The following ARSB variants were observed in gnomAD, a reference collection of about 807,000 sequenced individuals.
The protein encoded by ARSB is arylsulfatase B.
In ARSB, 41 loss-of-function variants were observed where a neutral mutation model predicts 50.9. That is an observed-to-expected ratio of 0.81 (90% CI 0.63 to 1.04). The LOEUF is 1.04. ARSB is among the 50% of genes least tolerant of loss of function. The pLI is 0.00. For missense variants in ARSB, 672 were observed against 693.3 expected (o/e 0.97, Z 0.35); for synonymous variants, 269 against 284.8 (o/e 0.94, Z 0.56).
At chr5:78,810,876 C>T (rs1022296458) in intron 6 of ARSB, among the ~76,000 whole-genome samples, 50 of 152,164 alleles carry the variant, frequency 3.3e-4, no homozygotes, top group African/African-American at 1.2e-3. Flanking sequence ...GAATCTTTGA[C>T]ATAGTGTTGT....
intron 6 of ARSB, among the ~76,000 whole-genome samples, chr5:78,814,294 C>A (rs13152961): frequency 0.13 from 19,880 of 150,850 alleles, 2,349 homozygotes; most frequent in Admixed American, 0.25. Flanking sequence ...AATCAGTCAG[C>A]ACATACATTT....
At chr5:78,847,713 C>A (rs1199289484) in intron 5 of ARSB, among the ~76,000 whole-genome samples, 1 of 152,086 alleles carries the variant, frequency 6.6e-6, no homozygotes, top group Non-Finnish European at 1.5e-5. Context: ...CAATGGGAGA[C>A]TTTTTATTAC....
At chr5:78,795,716 G>A (rs963782853) in intron 6 of ARSB, among the ~76,000 whole-genome samples, 3 of 152,122 alleles carry the variant, frequency 2.0e-5, no homozygotes, top group Admixed American at 1.3e-4. Context: ...AGGTGAGGAG[G>A]AATATTGCAG....
At chr5:78,830,718 C>T (rs1488583886) in intron 6 of ARSB, among the ~76,000 whole-genome samples, 2 of 152,048 alleles carry the variant, frequency 1.3e-5, no homozygotes, top group African/African-American at 2.4e-5. Context: ...CTCCCCAAAG[C>T]GGAGGGGGCA....
At chr5:78,807,966 G>A (rs967810312) in intron 6 of ARSB, among the ~76,000 whole-genome samples, 6 of 148,364 alleles carry the variant, frequency 4.0e-5, no homozygotes, top group African/African-American at 1.2e-4. Context: ...AGTGGCGGGC[G>A]CCTGTAGTCC....
intron 4 of ARSB, among the ~76,000 whole-genome samples, chr5:78,940,375 G>A (rs1032925846): frequency 1.3e-5 from 2 of 152,166 alleles, no homozygotes; most frequent in African/African-American, 2.4e-5. Flanking sequence ...GTCCTGAATG[G>A]TATTGCCTAC....
intron 3 of ARSB, among the ~76,000 whole-genome samples, chr5:78,962,215 T>C (rs1051468555): frequency 1.3e-5 from 2 of 152,192 alleles, no homozygotes; most frequent in African/African-American, 4.8e-5. Context: ...CAAAGAATAA[T>C]ACACAGTTCT....
At chr5:78,792,639 G>A (rs1343877458) in intron 6 of ARSB, among the ~76,000 whole-genome samples, 1 of 152,172 alleles carries the variant, frequency 6.6e-6, no homozygotes, top group Non-Finnish European at 1.5e-5. Context: ...TGAGTGTGAA[G>A]AGGAAATAAG....
intron 4 of ARSB, among the ~76,000 whole-genome samples, chr5:78,929,964 T>G (rs1257794172): frequency 6.6e-6 from 1 of 152,170 alleles, no homozygotes; most frequent in African/African-American, 2.4e-5. Flanking sequence ...TGACCTCACC[T>G]GGGACCAGCC....
At chr5:78,955,573 C>A in intron 3 of ARSB, 71 bp from the exon 4 acceptor site, 2 of 1,220,492 alleles carry the variant, frequency 1.6e-6, no homozygotes, top group South Asian at 1.2e-5. Flanking sequence ...TAAGACAGTT[C>A]AGATTTATGC....
chr5:78,860,245 T>C (rs1746367408), intron 5 of ARSB, among the ~76,000 whole-genome samples: 1 of 152,186 alleles, frequency 6.6e-6, no homozygotes, highest in African/African-American at 2.4e-5. Context: ...CCATTATTAT[T>C]GTGTGGGAGT....
At chr5:78,847,232 A>G (rs1745484697) in intron 5 of ARSB, among the ~76,000 whole-genome samples, 1 of 152,086 alleles carries the variant, frequency 6.6e-6, no homozygotes, top group Non-Finnish European at 1.5e-5. Flanking sequence ...GACTCAAGCA[A>G]TCCTCCCACC....
rs1329352257 is a variant in ARSB at position 78,867,503 on chromosome 5, C to T, written c.1142+18081G>A. ...GGTAGACTGCCTCCACAAGTGGGTCCCTGACCCCTGACCCCCGAGCAGCCT... is the reference window on the plus strand; with the variant it reads ...GGTAGACTGCCTCCACAAGTGGGTCTCTGACCCCTGACCCCCGAGCAGCCT... On this transcript the variant is annotated intron_variant, in intron 5 of 7. Coordinates refer to ENST00000264914, the MANE Select transcript of ARSB (RefSeq NM_000046.5). Among the ~76,000 whole-genome samples, 3 of 152,304 alleles carry T rather than the reference C, an allele frequency of 2.0e-5. No individual in the cohort carries two copies. The East Asian group carries it at 5.8e-4, about 29-fold the overall frequency.
chr5:78,800,079 A>G (rs1395132429), intron 6 of ARSB, among the ~76,000 whole-genome samples: 1 of 152,144 alleles, frequency 6.6e-6, no homozygotes, highest in Non-Finnish European at 1.5e-5. Flanking sequence ...GCACTTTGGG[A>G]GGCCGAGGCA....
chr5:78,866,151 T>C (rs1421435697), intron 5 of ARSB, among the ~76,000 whole-genome samples: 1 of 152,208 alleles, frequency 6.6e-6, no homozygotes, highest in Non-Finnish European at 1.5e-5. Flanking sequence ...GATAAAGACA[T>C]ACCCAAGACT....
At chr5:78,919,476 C>CATTT (rs1285662027) in intron 4 of ARSB, among the ~76,000 whole-genome samples, 2 of 151,966 alleles carry the variant, frequency 1.3e-5, no homozygotes, top group South Asian at 4.2e-4. Context: ...CTTATTTATT[C>CATTT]ATTTATTCAT....
chr5:78,916,918 C>T (rs1404134876), intron 4 of ARSB, among the ~76,000 whole-genome samples: 1 of 152,168 alleles, frequency 6.6e-6, no homozygotes, highest in African/African-American at 2.4e-5. Context: ...ACAGACAAGG[C>T]CCCTGCTCCT....
In ARSB at chr5:78,780,584, AG is replaced by A; in HGVS notation, c.1414del (p.Leu472SerfsTer102). 6.2e-7 allele frequency: 1 copy of A among 1,614,050 alleles called. No homozygotes were observed. The highest frequency in any genetic ancestry group is 8.5e-7 in the Non-Finnish European group (1 of 1,179,994). On this transcript the variant is annotated frameshift_variant, in exon 8 of 8. Coordinates refer to ENST00000264914, the MANE Select transcript of ARSB (RefSeq NM_000046.5). LOFTEE classifies it high-confidence loss of function. ...GTCCCGATCAATATCAAAGAGCCAGAGGGTCTTGGTTGGTGGGTCTGATGAG... is the reference window on the plus strand; with the variant it reads ...GTCCCGATCAATATCAAAGAGCCAGAGGTCTTGGTTGGTGGGTCTGATGAG... ...IPSSDPPTKT[L>X]WLFDIDRDPE...
chr5:78,784,618 T>A (rs921412772), intron 6 of ARSB, among the ~76,000 whole-genome samples: 5 of 152,206 alleles, frequency 3.3e-5, no homozygotes, highest in African/African-American at 9.6e-5. Context: ...CTTTGTCAGT[T>A]TTGATAACTT....
Sources: allele counts gnomAD v4.1 joint callset (sites outside exome capture counted in the v4.1 genomes callset), GRCh38; gene constraint gnomAD v4.1.1; transcripts MANE v1.5; gene names NCBI Gene and HGNC (gene_info 2026-07-23, HGNC 2026-07-21).